The following CCDC178 variants were observed in gnomAD, a reference collection of about 807,000 sequenced individuals.
CCDC178 encodes coiled-coil domain containing 178.
Under a neutral mutation model 117.4 loss-of-function variants are expected in CCDC178, and 126 were observed. The ratio of observed to expected loss-of-function variants is 1.07; its 90% confidence interval spans 0.93 to 1.24. The LOEUF (loss-of-function observed/expected upper bound fraction) is 1.24. CCDC178 is among the 50% of genes most tolerant of loss of function. The probability of loss-of-function intolerance (pLI) is 0.00; values close to 1 mark genes in which losing one functional copy is unlikely to be tolerated. For missense variants in CCDC178, 1,030 were observed against 986.9 expected (o/e 1.04, Z -0.59); for synonymous variants, 283 against 313.4 (o/e 0.90, Z 1.02).
intron 21 of CCDC178, among the ~76,000 whole-genome samples, chr18:33,042,467 A>C (rs2056566961): frequency 1.3e-5 from 2 of 151,906 alleles, no homozygotes; most frequent in African/African-American, 4.8e-5. Context: ...CAATGTATGT[A>C]CATATGTAAA....
intron 20 of CCDC178, among the ~76,000 whole-genome samples, chr18:33,182,195 C>A (rs1255080663): frequency 6.6e-6 from 1 of 151,862 alleles, no homozygotes; most frequent in Non-Finnish European, 1.5e-5. Flanking sequence ...AATATCTTTA[C>A]ACCATTAGAC....
At chr18:33,299,068 A>G (rs957995615) in intron 11 of CCDC178, among the ~76,000 whole-genome samples, 2 of 152,192 alleles carry the variant, frequency 1.3e-5, no homozygotes, top group African/African-American at 4.8e-5. Context: ...TTTAAATGCA[A>G]TTCGTATCAG....
chr18:33,370,699 C>T (rs1340926514), intron 5 of CCDC178, among the ~76,000 whole-genome samples: 1 of 152,016 alleles, frequency 6.6e-6, no homozygotes, highest in African/African-American at 2.4e-5. Context: ...AGGTCTCCTT[C>T]ATCCTCATAA....
At chr18:33,258,911 A>G (rs910111268) in intron 14 of CCDC178, among the ~76,000 whole-genome samples, 1 of 152,152 alleles carries the variant, frequency 6.6e-6, no homozygotes, top group African/African-American at 2.4e-5. Context: ...ATTTTATACA[A>G]TGTAACAAGT....
In CCDC178 at chr18:32,999,396, C is replaced by G. The variant is rs149728931; in HGVS notation, c.2389-24715G>C. On this transcript the variant is annotated intron_variant, in intron 21 of 22. Coordinates refer to ENST00000383096, the MANE Select transcript of CCDC178 (RefSeq NM_001105528.4). ...CCTGGACAGCATCTCTGGACCCACT[C>G]AGGGCCAGGGGAACTCACTGCTCTG... 7.9e-5 allele frequency among the ~76,000 whole-genome samples: 12 copies of G among 152,308 alleles called. No individual in the cohort carries two copies. In the East Asian group the frequency reaches 2.3e-3, roughly 29 times the overall value.
At chr18:33,236,958 C>G (rs1415567032) in intron 15 of CCDC178, among the ~76,000 whole-genome samples, 1 of 152,178 alleles carries the variant, frequency 6.6e-6, no homozygotes, top group Non-Finnish European at 1.5e-5. Context: ...CCACAGTCCT[C>G]ATAAGCCCTG....
intron 17 of CCDC178, among the ~76,000 whole-genome samples, chr18:33,223,991 TC>T (rs1269553796): frequency 6.6e-6 from 1 of 152,158 alleles, no homozygotes; most frequent in Non-Finnish European, 1.5e-5. Context: ...ACCAGTAAAC[TC>T]CCTCTTGCCT....
intron 20 of CCDC178, among the ~76,000 whole-genome samples, chr18:33,114,887 A>T (rs1260037405): frequency 6.6e-6 from 1 of 152,056 alleles, no homozygotes; most frequent in Admixed American, 6.6e-5. Flanking sequence ...ATGAGCCAAA[A>T]TAGCAAGGGA....
intron 20 of CCDC178, among the ~76,000 whole-genome samples, chr18:33,209,198 T>C (rs2059079681): frequency 6.6e-6 from 1 of 152,030 alleles, no homozygotes; most frequent in Non-Finnish European, 1.5e-5. Context: ...TTAGTAAAAA[T>C]GCCATGACAT....
At chr18:33,412,455 A>G (rs1358755360) in intron 2 of CCDC178, among the ~76,000 whole-genome samples, 1 of 124,900 alleles carries the variant, frequency 8.0e-6, no homozygotes, top group Non-Finnish European at 1.7e-5. Context: ...TCATATAATA[A>G]AAGTTTAACT....
rs545893822 is a variant in CCDC178 at position 33,157,221 on chromosome 18, C to T, written c.2238+54675G>A. On this transcript the variant is annotated intron_variant, in intron 20 of 22. Transcript: ENST00000383096. Reference sequence around the variant, plus strand: ...TTTTTAATATCTGTGATTGATCTTCCAAATTAAACCTAGAAATACTTCTGC... The same window carrying T: ...TTTTTAATATCTGTGATTGATCTTCTAAATTAAACCTAGAAATACTTCTGC... Among the ~76,000 whole-genome samples, 7 of 152,170 alleles carry T rather than the reference C, an allele frequency of 4.6e-5. 1 individual carries two copies. The South Asian group carries it at 1.5e-3, about 32-fold the overall frequency.
chr18:33,427,772 G>A (rs1472881592), intron 2 of CCDC178, among the ~76,000 whole-genome samples: 1 of 152,170 alleles, frequency 6.6e-6, no homozygotes, highest in African/African-American at 2.4e-5. Flanking sequence ...TGAGTAAAGA[G>A]ATGAGCCTTT....
At chr18:33,314,229 A>G (rs902697443) in intron 11 of CCDC178, among the ~76,000 whole-genome samples, 9 of 144,324 alleles carry the variant, frequency 6.2e-5, no homozygotes, top group African/African-American at 2.3e-4. Flanking sequence ...AAAAAAAAAA[A>G]AAAAGAAATT....
rs143185953 is a variant in CCDC178, at chr18:33,213,597, T to G, written c.2079-1542A>C. Reference sequence around the variant, plus strand: ...CATGTACTTTGTTCTCTACACTGTTTTGATATTGAATTATATTAATTATAG... The same window carrying G: ...CATGTACTTTGTTCTCTACACTGTTGTGATATTGAATTATATTAATTATAG... On this transcript the variant is annotated intron_variant, in intron 19 of 22. Transcript: ENST00000383096. Among the ~76,000 whole-genome samples, 206 of 152,136 alleles carry G rather than the reference T, an allele frequency of 1.4e-3. 2 individuals are homozygous for G. The highest frequency in any genetic ancestry group is 3.4e-3 in the Middle Eastern group (1 of 294).
intron 20 of CCDC178, among the ~76,000 whole-genome samples, chr18:33,198,219 C>A (rs1012173228): frequency 6.6e-6 from 1 of 152,144 alleles, no homozygotes; most frequent in Non-Finnish European, 1.5e-5. Context: ...CTATGGAAAA[C>A]CACTGATAAC....
intron 18 of CCDC178, among the ~76,000 whole-genome samples, chr18:33,218,289 G>T (rs576972357): frequency 6.6e-6 from 1 of 152,140 alleles, no homozygotes; most frequent in Admixed American, 6.6e-5. Context: ...CCCACTTTTT[G>T]ATAGAGTCAT....
chr18:32,968,925 G>A (rs1216674287), intron 22 of CCDC178, among the ~76,000 whole-genome samples: 1 of 151,796 alleles, frequency 6.6e-6, no homozygotes, highest in Non-Finnish European at 1.5e-5. Context: ...CCAGAAATAG[G>A]AAACTATCCC....
At chr18:32,991,186 T>G (rs540499030) in intron 21 of CCDC178, among the ~76,000 whole-genome samples, 40 of 152,254 alleles carry the variant, frequency 2.6e-4, no homozygotes, top group Admixed American at 5.2e-4. Context: ...TACTACATAG[T>G]GGTAAAGCCG....
At position 33,295,911 on chromosome 18, in the gene CCDC178, C is replaced by T. The variant is rs534431856; in HGVS notation, c.1023-2599G>A. Reference sequence around the variant, plus strand: ...ATTAAACTTACAGTCAACGTACATCCCAAAAAATCACACTTTTTGATATTT... The same window carrying T: ...ATTAAACTTACAGTCAACGTACATCTCAAAAAATCACACTTTTTGATATTT... On this transcript the variant is annotated intron_variant, in intron 11 of 22. Coordinates refer to ENST00000383096, the MANE Select transcript of CCDC178 (RefSeq NM_001105528.4). 2.6e-5 allele frequency among the ~76,000 whole-genome samples: 4 copies of T among 152,104 alleles called. No homozygotes were observed. In the South Asian group the frequency reaches 8.3e-4, roughly 32 times the overall value.
Sources: gnomAD v4.1 joint callset for allele counts (sites outside exome capture counted in the v4.1 genomes callset) on GRCh38, gnomAD v4.1.1 for gene constraint, MANE v1.5 for transcripts, NCBI Gene and HGNC (gene_info 2026-07-23, HGNC 2026-07-21) for gene names.